MTUS1: variants seen among roughly 807,000 people sequenced by gnomAD.
MTUS1 encodes the protein microtubule-associated tumor suppressor 1.
Under a neutral mutation model 120.8 loss-of-function variants are expected in MTUS1, and 109 were observed. The ratio of observed to expected loss-of-function variants is 0.90; its 90% CI spans 0.77 to 1.06. The LOEUF (loss-of-function observed/expected upper bound fraction) is 1.06. Ranked by LOEUF, MTUS1 falls within the 50% of genes least tolerant of loss-of-function variation. The pLI, the probability that MTUS1 is intolerant of heterozygous loss-of-function variation, is 0.00. For missense variants in MTUS1, 2,210 were observed against 1,486.3 expected (o/e 1.49, Z -8.01); for synonymous variants, 737 against 550.5 (o/e 1.34, Z -4.74).
intron 3 of MTUS1, among the ~76,000 whole-genome samples, chr8:17,724,474 G>A (rs979653673): frequency 4.6e-5 from 7 of 151,860 alleles, no homozygotes; most frequent in African/African-American, 7.3e-5. Flanking sequence ...ACCAGGTGGT[G>A]CTATACTATT....
At chr8:17,762,014 T>A (rs532994827) in intron 1 of MTUS1, among the ~76,000 whole-genome samples, 3 of 152,324 alleles carry the variant, frequency 2.0e-5, no homozygotes, top group Non-Finnish European at 4.4e-5. Context: ...GTGCAGTGGC[T>A]CAGGCCTATA....
In MTUS1 at chr8:17,645,669, T is replaced by A; in HGVS notation, c.*257A>T. ...AAGATGCTCTCGTTCTTTAAGTGCT[T>A]TGTGCAACAACGTCCGTGTCGATGC... On this transcript the variant is annotated 3_prime_UTR_variant, in exon 15 of 15. Transcript: ENST00000693296. 5.3e-6 allele frequency: 2 copies of A among 379,934 alleles called. No homozygotes were observed. Among genetic ancestry groups the A allele is most frequent in the Non-Finnish European group, 9.3e-6 (2 of 216,096 alleles). The allele number at this position is 379,934 out of a possible 1,614,324, so 23.5% of individuals were successfully genotyped here. A position where few individuals can be genotyped will look rare whatever the true frequency, so the allele number is the denominator to read the frequency against.
chr8:17,752,334 AC>A (rs1276180431), intron 2 of MTUS1, among the ~76,000 whole-genome samples: 1 of 152,244 alleles, frequency 6.6e-6, no homozygotes, highest in Non-Finnish European at 1.5e-5. Flanking sequence ...TAAATGCCAA[AC>A]TAAGAATGTT....
intron 6 of MTUS1, among the ~76,000 whole-genome samples, chr8:17,700,937 G>C (rs1363993128): frequency 1.3e-5 from 2 of 152,096 alleles, no homozygotes; most frequent in African/African-American, 2.4e-5. Flanking sequence ...GCATAGAAAT[G>C]TGTTTTTTTA....
chr8:17,721,548 C>G (rs1218612288), intron 4 of MTUS1, among the ~76,000 whole-genome samples: 3 of 152,140 alleles, frequency 2.0e-5, no homozygotes, highest in East Asian at 1.9e-4. Flanking sequence ...TGGTCCTACA[C>G]AGAAGCATTC....
At position 17,654,670 on chromosome 8, in the gene MTUS1, T is replaced by G; in HGVS notation, c.3109-4A>C. The G allele has an allele frequency of 6.2e-7, 1 of 1,608,556 alleles. No individual in the cohort carries two copies. Among genetic ancestry groups the G allele is most frequent in the Non-Finnish European group, 8.5e-7 (1 of 1,174,916 alleles). On this transcript the variant is annotated splice_polypyrimidine_tract_variant and splice_region_variant and intron_variant, in intron 9 of 14. Coordinates refer to ENST00000693296, the MANE Select transcript of MTUS1 (RefSeq NM_001363059.2). ...GCGCAGCATTTAAGTTGTCAAACTG[T>G]AAGCAACAAACAAAACCGTGGTTTA... is the stretch of plus-strand genomic sequence containing the variant.
intron 10 of MTUS1, 105 bp downstream of exon 10, chr8:17,654,455 AC>A: frequency 1.2e-6 from 1 of 815,616 alleles, no homozygotes; most frequent in Non-Finnish European, 2.0e-6. Flanking sequence ...CCTGAAGGCC[AC>A]AGGGCATTCG....
chr8:17,732,421 C>G (rs750241531), intron 3 of MTUS1, among the ~76,000 whole-genome samples: 1 of 152,160 alleles, frequency 6.6e-6, no homozygotes, highest in South Asian at 2.1e-4. Context: ...TCAGGGATGC[C>G]CCTACGTTCC....
At chr8:17,683,772 T>C (rs1248605576) in intron 7 of MTUS1, among the ~76,000 whole-genome samples, 2 of 152,204 alleles carry the variant, frequency 1.3e-5, no homozygotes, top group Non-Finnish European at 2.9e-5. Context: ...TTTTAGCCAG[T>C]TCCTGAAATA....
chr8:17,646,758 T>C (rs1585367005), intron 14 of MTUS1, among the ~76,000 whole-genome samples: 1 of 152,168 alleles, frequency 6.6e-6, no homozygotes, highest in Admixed American at 6.5e-5. Context: ...CCAGAGGCCG[T>C]GGGAGCAGGC....
intron 3 of MTUS1, among the ~76,000 whole-genome samples, chr8:17,738,912 G>A (rs1445672623): frequency 1.3e-5 from 2 of 151,990 alleles, no homozygotes; most frequent in Non-Finnish European, 2.9e-5. Context: ...GCCTAGGTGG[G>A]AGGATCACTT....
chr8:17,723,841 T>C lies in MTUS1; in HGVS notation c.2288-8A>G. The C allele has an allele frequency of 6.5e-7, 1 of 1,541,862 alleles. No individual in the cohort carries two copies. Among genetic ancestry groups the C allele is most frequent in the Non-Finnish European group, 8.7e-7 (1 of 1,145,924 alleles). On this transcript the variant is annotated splice_region_variant and splice_polypyrimidine_tract_variant and intron_variant, in intron 3 of 14. Transcript: ENST00000693296. ...TCAAGGATGTAGGCTTTCCTTGGGG[T>C]TTAAAAAAAACAAAAAGTTTCCAGT...
intron 4 of MTUS1, among the ~76,000 whole-genome samples, chr8:17,717,151 G>C (rs1822497080): frequency 6.6e-6 from 1 of 152,146 alleles, no homozygotes; most frequent in African/African-American, 2.4e-5. Flanking sequence ...CCTGTACAAT[G>C]AGCCATCTGT....
chr8:17,721,776 C>T (rs898852461), intron 4 of MTUS1: 3 of 1,613,934 alleles, frequency 1.9e-6, no homozygotes, highest in South Asian at 2.2e-5. Flanking sequence ...CCACGACCAG[C>T]AGTGTCAATA....
chr8:17,658,577 CCA>C (rs926631806), intron 8 of MTUS1, among the ~76,000 whole-genome samples: 2 of 152,156 alleles, frequency 1.3e-5, no homozygotes, highest in Non-Finnish European at 2.9e-5. Context: ...GTCCACATCC[CCA>C]GAGTACTCGT....
At position 17,645,908 on chromosome 8, in the gene MTUS1, G is replaced by C. The variant is rs747027671; in HGVS notation, c.*18C>G. On this transcript the variant is annotated 3_prime_UTR_variant, in exon 15 of 15. Coordinates refer to ENST00000693296, the MANE Select transcript of MTUS1 (RefSeq NM_001363059.2). The stretch of plus-strand genomic sequence containing the variant: ...GCATCAAAATGCTTTCAGAGAGTCT[G>C]TGGACTTTGGGGAGGTGTCATCTGG... 17 of 1,604,878 alleles carry C rather than the reference G, an allele frequency of 1.1e-5. No homozygotes were observed. The highest frequency in any genetic ancestry group is 1.4e-5 in the Non-Finnish European group (16 of 1,176,786).
At chr8:17,739,918 T>C (rs184121984) in intron 3 of MTUS1, among the ~76,000 whole-genome samples, 45 of 152,302 alleles carry the variant, frequency 3.0e-4, no homozygotes, top group African/African-American at 1.1e-3. Context: ...TCTGGTCTCA[T>C]ATAATATATT....
intron 7 of MTUS1, among the ~76,000 whole-genome samples, chr8:17,679,354 C>CGT (rs1563187893): frequency 1.2e-4 from 17 of 140,212 alleles, no homozygotes; most frequent in South Asian, 8.1e-4. Context: ...TGTGTGCGCG[C>CGT]GCGTGTGTGT....
intron 1 of MTUS1, among the ~76,000 whole-genome samples, chr8:17,757,750 C>T (rs528526212): frequency 3.9e-5 from 6 of 152,290 alleles, no homozygotes; most frequent in Admixed American, 1.3e-4. Flanking sequence ...TGGTCTCGAA[C>T]TCCTGACCTC....
Sources: gnomAD v4.1 joint callset for allele counts (sites outside exome capture counted in the v4.1 genomes callset) on GRCh38, gnomAD v4.1.1 for gene constraint, MANE v1.5 for transcripts, NCBI Gene and HGNC (gene_info 2026-07-23, HGNC 2026-07-21) for gene names.